RBL1: variants seen among roughly 807,000 people sequenced by gnomAD.
The protein encoded by RBL1 is retinoblastoma-like protein 1.
Under a neutral mutation model 123.0 loss-of-function variants are expected in RBL1, and 82 were observed. The ratio of observed to expected loss-of-function variants is 0.67; its 90% CI spans 0.56 to 0.80. The LOEUF is 0.80. Among genes scored for constraint, RBL1 ranks in the 30% least tolerant of loss-of-function variants. The pLI is 0.00. For missense variants in RBL1, 1,171 were observed against 1,299.6 expected (o/e 0.90, Z 1.52); for synonymous variants, 405 against 441.3 (o/e 0.92, Z 1.03).
intron 16 of RBL1, among the ~76,000 whole-genome samples, chr20:37,030,738 C>T (rs2064495055): frequency 2.0e-5 from 3 of 151,934 alleles, no homozygotes; most frequent in Admixed American, 2.0e-4. Flanking sequence ...TCCTGTAGTC[C>T]CAGCTACTCA....
rs769925719 is a variant in RBL1 at position 36,998,741 on chromosome 20, A to G, written c.*18T>C. 21 of 1,595,892 alleles carry G rather than the reference A, an allele frequency of 1.3e-5. No homozygotes were observed. The highest frequency in any genetic ancestry group is 4.0e-5 in the African/African-American group (3 of 74,408). On this transcript the variant is annotated 3_prime_UTR_variant, in exon 22 of 22. Transcript: ENST00000373664. The stretch of plus-strand genomic sequence containing the variant: ...AGAACAATCTGAAAGTGCTTTTATC[A>G]TAGAAACAAGAACAACATTAATGAT...
chr20:37,055,672 A>T lies in RBL1; in HGVS notation c.1364-16T>A, dbSNP rs2064992303. On this transcript the variant is annotated splice_polypyrimidine_tract_variant and intron_variant, in intron 10 of 21. Transcript: ENST00000373664. ...ACAGCAAAGTCTATCAGGGAAATACAGAGAAAACATGTGTTAATGAATTTT... is the reference window on the plus strand; with the variant it reads ...ACAGCAAAGTCTATCAGGGAAATACTGAGAAAACATGTGTTAATGAATTTT... 6.3e-7 allele frequency: 1 copy of T among 1,587,678 alleles called. No homozygotes were observed. The highest frequency in any genetic ancestry group is 1.2e-5 in the South Asian group (1 of 86,718).
At chr20:37,083,127 A>G (rs1307368321) in intron 2 of RBL1, among the ~76,000 whole-genome samples, 2 of 152,192 alleles carry the variant, frequency 1.3e-5, no homozygotes, top group Non-Finnish European at 2.9e-5. Flanking sequence ...GAACACATTG[A>G]TGCTGGGTAA....
chr20:37,044,287 A>C (rs762751350), intron 12 of RBL1, 37 bp from the exon 13 acceptor site: 5 of 1,605,978 alleles, frequency 3.1e-6, no homozygotes, highest in African/African-American at 1.3e-5. Context: ...TGTGGTTTCA[A>C]GCAGTTAGTT....
chr20:37,046,366 T>C lies in RBL1; in HGVS notation c.1605+687A>G, dbSNP rs541949581. ...TAACAAAGGAACTGAAGCTGTAAGATTGACTTAATTTACTGATACTCTCAC... is the reference window on the plus strand; with the variant it reads ...TAACAAAGGAACTGAAGCTGTAAGACTGACTTAATTTACTGATACTCTCAC... On this transcript the variant is annotated intron_variant, in intron 12 of 21. Transcript: ENST00000373664. 5.3e-5 allele frequency among the ~76,000 whole-genome samples: 8 copies of C among 152,274 alleles called. No homozygotes were observed. The East Asian group carries it at 9.6e-4, about 18-fold the overall frequency.
chr20:37,044,014 T>A, intron 13 of RBL1, 72 bp downstream of exon 13: 1 of 1,300,800 alleles, frequency 7.7e-7, no homozygotes, highest in Non-Finnish European at 1.0e-6. Flanking sequence ...GGTATAGGAA[T>A]TATCTCTCAA....
rs2063910704 is a variant in RBL1 at position 36,998,299 on chromosome 20, C to T, written c.*460G>A. ...CTGGAGTGCAGTGGCGCAACCTTGG[C>T]TCACCACAACCTCCGCTTCCTGGGT... On this transcript the variant is annotated 3_prime_UTR_variant, in exon 22 of 22. Transcript: ENST00000373664. 1 of 152,330 alleles carries T rather than the reference C, an allele frequency of 6.6e-6. No homozygotes were observed. The highest frequency in any genetic ancestry group is 1.5e-5 in the Non-Finnish European group (1 of 68,206). The allele number at this position is 152,330 out of a possible 1,614,324, so 9.4% of individuals were successfully genotyped here.
At chr20:37,075,879 G>C (rs143244515) in intron 2 of RBL1, among the ~76,000 whole-genome samples, 1 of 152,260 alleles carries the variant, frequency 6.6e-6, no homozygotes, top group African/African-American at 2.4e-5. Flanking sequence ...AAAAAATACA[G>C]GCAAAAATAC....
intron 16 of RBL1, among the ~76,000 whole-genome samples, chr20:37,031,490 G>T (rs1442055992): frequency 1.3e-5 from 2 of 152,158 alleles, no homozygotes; most frequent in Admixed American, 6.6e-5. Context: ...TGAAACTATA[G>T]TAAGATGTCT....
chr20:37,041,216 A>G (rs1480501732), intron 13 of RBL1, among the ~76,000 whole-genome samples: 2 of 152,222 alleles, frequency 1.3e-5, no homozygotes, highest in Non-Finnish European at 2.9e-5. Flanking sequence ...TTACAAAAGA[A>G]TAACAGAAGT....
chr20:37,045,446 T>C (rs2064805914), intron 12 of RBL1, among the ~76,000 whole-genome samples: 1 of 151,612 alleles, frequency 6.6e-6, no homozygotes, highest in South Asian at 2.1e-4. Flanking sequence ...GCACATATCA[T>C]TTATGTCATT....
intron 4 of RBL1, 35 bp downstream of exon 4, chr20:37,067,198 G>A: frequency 1.3e-6 from 2 of 1,576,634 alleles, no homozygotes; most frequent in Non-Finnish European, 1.7e-6. Context: ...AGTTCCCAGA[G>A]TAGAAATGTA....
intron 14 of RBL1, 22 bp from the exon 15 acceptor site, chr20:37,035,530 A>G: frequency 6.7e-7 from 1 of 1,503,324 alleles, no homozygotes; most frequent in South Asian, 1.3e-5. Context: ...TAATAAATTT[A>G]AAACAGAAAT....
intron 3 of RBL1, 97 bp downstream of exon 3, chr20:37,067,889 A>G: frequency 7.4e-7 from 1 of 1,355,030 alleles, no homozygotes; most frequent in African/African-American, 1.5e-5. Flanking sequence ...AGTTCTTTGC[A>G]GGAATACTTT....
intron 15 of RBL1, 139 bp from the exon 16 acceptor site, chr20:37,033,015 ATTCTT>A: frequency 1.7e-6 from 2 of 1,174,066 alleles, no homozygotes; most frequent in Non-Finnish European, 2.2e-6. Flanking sequence ...TTATGACTGA[ATTCTT>A]TTTTTTTTTT....
chr20:37,020,552 A>G, intron 18 of RBL1, 107 bp downstream of exon 18: 1 of 779,720 alleles, frequency 1.3e-6, no homozygotes, highest in Non-Finnish European at 2.0e-6. Flanking sequence ...TTAAAACAGA[A>G]AATCTGAAGT....
At chr20:37,060,966 T>C (rs1439797865) in intron 9 of RBL1, 137 bp downstream of exon 9, 1 of 970,644 alleles carries the variant, frequency 1.0e-6, no homozygotes, top group East Asian at 2.8e-5. Flanking sequence ...TCAATATATT[T>C]TGTGATTGAA....
intron 14 of RBL1, among the ~76,000 whole-genome samples, chr20:37,036,626 CT>C (rs11340151): frequency 0.48 from 51,070 of 107,284 alleles, 10,642 homozygotes; most frequent in African/African-American, 0.65. Flanking sequence ...ATTTTCTTTT[CT>C]TTTTTTTTTT....
chr20:37,074,250 T>C lies in RBL1; in HGVS notation c.291-6064A>G, dbSNP rs116326954. Among the ~76,000 whole-genome samples the C allele has an allele frequency of 3.4e-3, 519 of 151,808 alleles. 1 individual carries two copies. The highest frequency in any genetic ancestry group is 0.014 in the Middle Eastern group (4 of 294). On this transcript the variant is annotated intron_variant, in intron 2 of 21. Coordinates refer to ENST00000373664, the MANE Select transcript of RBL1 (RefSeq NM_002895.5). Reference sequence around the variant, plus strand: ...GCAACATAGAGAGAACCTGTCTCTATATAAAGTTTAAAAATTAGCTTGGCA... The same window carrying C: ...GCAACATAGAGAGAACCTGTCTCTACATAAAGTTTAAAAATTAGCTTGGCA...
Sources: allele counts gnomAD v4.1 joint callset (sites outside exome capture counted in the v4.1 genomes callset), GRCh38; gene constraint gnomAD v4.1.1; transcripts MANE v1.5; gene names NCBI Gene and HGNC (gene_info 2026-07-23, HGNC 2026-07-21).